The following MLLT3 variants were observed in gnomAD, a reference collection of about 807,000 sequenced individuals.
The protein encoded by MLLT3 is protein AF-9.
MLLT3 carries 4 observed loss-of-function variants against 53.2 expected under a neutral mutation model. That is an observed-to-expected ratio of 0.08 (90% CI 0.04 to 0.17). MLLT3 has a LOEUF of 0.17. Among genes scored for constraint, MLLT3 ranks in the 10% least tolerant of loss-of-function variants. The probability of loss-of-function intolerance (pLI) is 1.00; values close to 1 mark genes in which losing one functional copy is unlikely to be tolerated. For synonymous variants in MLLT3, 283 were observed against 230.6 expected (o/e 1.23, Z -2.06); for missense variants, 569 against 684.0 (o/e 0.83, Z 1.87).
chr9:20,467,320 C>T (rs551528402), intron 2 of MLLT3, among the ~76,000 whole-genome samples: 1 of 152,286 alleles, frequency 6.6e-6, no homozygotes, highest in South Asian at 2.1e-4. Context: ...TGACTCATGC[C>T]TGTAATCCCA....
chr9:20,467,005 A>C (rs1005799654), intron 2 of MLLT3, among the ~76,000 whole-genome samples: 1 of 152,216 alleles, frequency 6.6e-6, no homozygotes, highest in African/African-American at 2.4e-5. Context: ...GTTATAATAC[A>C]AGCTAGAGTA....
chr9:20,353,469 G>GTCTT (rs1821087434), intron 10 of MLLT3, 56 bp downstream of exon 10: 32 of 1,501,428 alleles, frequency 2.1e-5, no homozygotes, highest in Non-Finnish European at 2.8e-5. Context: ...CACTACTGCA[G>GTCTT]GACAAACCAA....
chr9:20,515,528 T>C (rs1325623170), intron 2 of MLLT3, among the ~76,000 whole-genome samples: 1 of 152,194 alleles, frequency 6.6e-6, no homozygotes, highest in East Asian at 1.9e-4. Flanking sequence ...AAGGTATCTC[T>C]AGGCAGCAGC....
At chr9:20,470,214 G>A (rs992526378) in intron 2 of MLLT3, among the ~76,000 whole-genome samples, 8 of 151,846 alleles carry the variant, frequency 5.3e-5, no homozygotes, top group Non-Finnish European at 8.8e-5. Flanking sequence ...TACAAACTTG[G>A]CTCTAGGAAA....
Position 20,620,938 on chromosome 9 carries a change from A to T in MLLT3, c.13-104T>A, listed in dbSNP as rs1198877632. On this transcript the variant is annotated intron_variant, in intron 1 of 10. Coordinates refer to ENST00000380338, the MANE Select transcript of MLLT3 (RefSeq NM_004529.4). This position sits in a 1 kb window ranked among gnomAD's most constrained non-coding sequence, Gnocchi z 6.1. ...TTTTCCTCCTTCTTGAAACGCACAT[A>T]AAAGGAAACGGCGGTGCCCTCTGCA... The T allele has an allele frequency of 1.5e-6, 2 of 1,299,816 alleles. No individual in the cohort carries two copies. Among genetic ancestry groups the T allele is most frequent in the East Asian group, 4.8e-5 (2 of 42,052 alleles). The allele number at this position is 1,299,816 out of a possible 1,614,324, so 80.5% of individuals were successfully genotyped here. A position where few individuals can be genotyped will look rare whatever the true frequency, so the allele number is the denominator to read the frequency against.
At chr9:20,399,389 T>C (rs937827048) in intron 5 of MLLT3, among the ~76,000 whole-genome samples, 1 of 152,116 alleles carries the variant, frequency 6.6e-6, no homozygotes, top group African/African-American at 2.4e-5. Context: ...CCAGGGACCA[T>C]GCAAAGAGCT....
intron 3 of MLLT3, among the ~76,000 whole-genome samples, chr9:20,452,108 ACT>A (rs1305222167): frequency 1.3e-5 from 2 of 152,020 alleles, no homozygotes; most frequent in Non-Finnish European, 2.9e-5. Context: ...TGGAATTAAG[ACT>A]CTTCCATCAT....
intron 2 of MLLT3, among the ~76,000 whole-genome samples, chr9:20,499,925 G>C (rs929459332): frequency 1.9e-4 from 29 of 152,208 alleles, no homozygotes; most frequent in African/African-American, 6.3e-4. Context: ...GGGAACAGGT[G>C]TTAATGCAGT....
At chr9:20,507,872 C>G (rs1825424890) in intron 2 of MLLT3, among the ~76,000 whole-genome samples, 4 of 150,816 alleles carry the variant, frequency 2.7e-5, no homozygotes, top group African/African-American at 9.8e-5. Flanking sequence ...GAATCTATAA[C>G]AATCCAAATA....
chr9:20,438,675 T>A (rs998643028), intron 4 of MLLT3, among the ~76,000 whole-genome samples: 1 of 152,120 alleles, frequency 6.6e-6, no homozygotes, highest in Admixed American at 6.6e-5. Flanking sequence ...CCTCAAGTGA[T>A]CCTCCTGCCC....
chr9:20,389,020 C>T (rs1822116159), intron 5 of MLLT3, among the ~76,000 whole-genome samples: 1 of 152,162 alleles, frequency 6.6e-6, no homozygotes, highest in African/African-American at 2.4e-5. Context: ...TCATCAGTAA[C>T]ATATTATGTA....
chr9:20,510,756 C>T (rs1488044879), intron 2 of MLLT3, among the ~76,000 whole-genome samples: 2 of 151,720 alleles, frequency 1.3e-5, no homozygotes, highest in African/African-American at 4.8e-5. Context: ...TTCCAGAAAG[C>T]ATTTGGTAAA....
intron 2 of MLLT3, among the ~76,000 whole-genome samples, chr9:20,512,385 C>G (rs1490891585): frequency 6.6e-6 from 1 of 152,148 alleles, no homozygotes; most frequent in Non-Finnish European, 1.5e-5. Flanking sequence ...AACAGTGGCT[C>G]TCAAACTGTG....
rs148356587 is a variant in MLLT3, at chr9:20,494,472, A to G, written c.194-37686T>C. On this transcript the variant is annotated intron_variant, in intron 2 of 10. Coordinates refer to ENST00000380338, the MANE Select transcript of MLLT3 (RefSeq NM_004529.4). Reference sequence around the variant, plus strand: ...AAATAAGCAAATAATTCTTTGAAGTATTTGAATTTATCTCTGGGAATATTT... The same window carrying G: ...AAATAAGCAAATAATTCTTTGAAGTGTTTGAATTTATCTCTGGGAATATTT... Among the ~76,000 whole-genome samples the G allele has an allele frequency of 1.0e-3, 157 of 152,322 alleles. 1 individual carries two copies. The highest frequency in any genetic ancestry group is 2.6e-3 in the African/African-American group (107 of 41,588).
intron 5 of MLLT3, among the ~76,000 whole-genome samples, chr9:20,406,919 G>T (rs559729203): frequency 6.6e-6 from 1 of 152,168 alleles, no homozygotes; most frequent in South Asian, 2.1e-4. Context: ...TAAGGAAGCT[G>T]CTTAGGGGTG....
At chr9:20,416,889 A>G (rs1270823791) in intron 4 of MLLT3, among the ~76,000 whole-genome samples, 1 of 152,164 alleles carries the variant, frequency 6.6e-6, no homozygotes, top group Non-Finnish European at 1.5e-5. Flanking sequence ...CCCATGACCA[A>G]TGTCAAAGTT....
At chr9:20,364,242 AAC>A (rs1414759863) in intron 6 of MLLT3, among the ~76,000 whole-genome samples, 1 of 152,212 alleles carries the variant, frequency 6.6e-6, no homozygotes, top group Non-Finnish European at 1.5e-5. Context: ...AGCATGTATA[AAC>A]ATAAACAAGA....
At chr9:20,548,434 T>G (rs1305854297) in intron 2 of MLLT3, among the ~76,000 whole-genome samples, 1 of 152,206 alleles carries the variant, frequency 6.6e-6, no homozygotes, top group Non-Finnish European at 1.5e-5. Context: ...GTCTGAACAA[T>G]GGTAAATGAA....
intron 5 of MLLT3, among the ~76,000 whole-genome samples, chr9:20,377,865 A>C (rs1216199659): frequency 6.6e-6 from 1 of 152,118 alleles, no homozygotes; most frequent in Non-Finnish European, 1.5e-5. Flanking sequence ...CATCTTCACC[A>C]GGTCAAAAAT....
Sources: gnomAD v4.1 joint callset for allele counts (sites outside exome capture counted in the v4.1 genomes callset) on GRCh38, gnomAD v4.1.1 for gene constraint, Gnocchi (gnomAD v3.1) non-coding constraint, MANE v1.5 for transcripts, NCBI Gene and HGNC (gene_info 2026-07-23, HGNC 2026-07-21) for gene names.